The following ERBB4 variants were observed in gnomAD, a reference collection of about 807,000 sequenced individuals.
ERBB4 encodes erb-b2 receptor tyrosine kinase 4.
A neutral mutation model predicts 158.0 loss-of-function variants in ERBB4; 42 were observed. The observed-to-expected ratio is 0.27, with a 90% confidence interval of 0.21 to 0.34. The LOEUF is 0.34. ERBB4 is among the 10% of genes least tolerant of loss of function. The pLI, the probability that ERBB4 is intolerant of heterozygous loss-of-function variation, is 1.00. For synonymous variants in ERBB4, 583 were observed against 558.7 expected, an observed-to-expected ratio of 1.04 and a Z score of -0.61; for missense variants, 1,333 against 1,624.1, an observed-to-expected ratio of 0.82 and a Z score of 3.08.
intron 1 of ERBB4, among the ~76,000 whole-genome samples, chr2:212,391,666 T>TATA (rs2090863677): frequency 7.3e-6 from 1 of 136,494 alleles, no homozygotes; most frequent in South Asian, 2.3e-4. Context: ...TATTATGTAT[T>TATA]ATATTTTATA....
chr2:211,756,894 C>T (rs2075298698), intron 4 of ERBB4, among the ~76,000 whole-genome samples: 1 of 152,188 alleles, frequency 6.6e-6, no homozygotes, highest in Non-Finnish European at 1.5e-5. Context: ...CTAGCAGTCT[C>T]TCATGTCTTA....
At chr2:212,269,148 A>C (rs2085255408) in intron 1 of ERBB4, among the ~76,000 whole-genome samples, 1 of 151,968 alleles carries the variant, frequency 6.6e-6, no homozygotes, top group East Asian at 1.9e-4. Flanking sequence ...GAGACCTGTC[A>C]CCACACAGCT....
At chr2:212,196,383 G>C (rs2082427458) in intron 1 of ERBB4, among the ~76,000 whole-genome samples, 1 of 151,960 alleles carries the variant, frequency 6.6e-6, no homozygotes, top group African/African-American at 2.4e-5. Context: ...AGGAGCAACA[G>C]GAAGCATTGG....
chr2:211,889,365 A>C (rs1176783968), intron 3 of ERBB4, among the ~76,000 whole-genome samples: 7 of 145,934 alleles, frequency 4.8e-5, no homozygotes, highest in East Asian at 3.9e-4. Flanking sequence ...AAACTAACAA[A>C]CAGAAAGGAC....
chr2:211,820,388 A>G (rs2076968418), intron 3 of ERBB4, among the ~76,000 whole-genome samples: 1 of 151,904 alleles, frequency 6.6e-6, no homozygotes, highest in Non-Finnish European at 1.5e-5. Context: ...CCAAGAAGAA[A>G]CAAAAATCCT....
At chr2:211,938,727 T>C (rs147168356) in intron 3 of ERBB4, among the ~76,000 whole-genome samples, 123 of 152,202 alleles carry the variant, frequency 8.1e-4, no homozygotes, top group African/African-American at 2.7e-3. Context: ...GGTAAATATT[T>C]GTCAGAAATA....
chr2:212,445,189 T>A (rs1191855734), intron 1 of ERBB4, among the ~76,000 whole-genome samples: 2 of 152,044 alleles, frequency 1.3e-5, no homozygotes. Flanking sequence ...TAGGTGACAA[T>A]ATTTTGCAGG....
chr2:211,661,125 C>A (rs1447085933), intron 15 of ERBB4, among the ~76,000 whole-genome samples: 1 of 151,790 alleles, frequency 6.6e-6, no homozygotes, highest in Non-Finnish European at 1.5e-5. Context: ...ATTTGAGATT[C>A]AAACCTATTT....
At chr2:212,246,513 G>A (rs12151481) in intron 1 of ERBB4, among the ~76,000 whole-genome samples, 34,076 of 152,040 alleles carry the variant, frequency 0.22, 4,143 homozygotes, top group African/African-American at 0.25. Context: ...CAGGAGATGA[G>A]AAAATGAATA....
At chr2:212,085,238 A>C (rs2078567561) in intron 2 of ERBB4, among the ~76,000 whole-genome samples, 1 of 151,970 alleles carries the variant, frequency 6.6e-6, no homozygotes, top group Admixed American at 6.6e-5. Flanking sequence ...ACATTCTAGC[A>C]GTTTAAAAAA....
At chr2:212,502,361 C>T (rs1278547308) in intron 1 of ERBB4, among the ~76,000 whole-genome samples, 1 of 152,114 alleles carries the variant, frequency 6.6e-6, no homozygotes, top group African/African-American at 2.4e-5. Flanking sequence ...TTGTGCTGGG[C>T]AATTTATACA....
At chr2:211,706,180 A>G (rs956638349) in intron 9 of ERBB4, among the ~76,000 whole-genome samples, 1 of 152,174 alleles carries the variant, frequency 6.6e-6, no homozygotes, top group African/African-American at 2.4e-5. Flanking sequence ...TCCATTGGCT[A>G]CTTCTTCAAG....
intron 25 of ERBB4, among the ~76,000 whole-genome samples, chr2:211,415,717 T>C (rs2125392060): frequency 6.6e-6 from 1 of 152,284 alleles, no homozygotes; most frequent in Non-Finnish European, 1.5e-5. Context: ...GAATCATATT[T>C]TTAGCAGTCA....
chr2:212,227,763 G>T (rs1391268304), intron 1 of ERBB4, among the ~76,000 whole-genome samples: 2 of 151,890 alleles, frequency 1.3e-5, no homozygotes, highest in Non-Finnish European at 2.9e-5. Context: ...ACTTTTATAA[G>T]ATTAAAGGCC....
At chr2:211,811,196 T>A (rs1035745096) in intron 3 of ERBB4, among the ~76,000 whole-genome samples, 5 of 152,348 alleles carry the variant, frequency 3.3e-5, no homozygotes, top group Non-Finnish European at 5.9e-5. Flanking sequence ...GGAGCTCTTG[T>A]AAGACAGGCC....
intron 2 of ERBB4, among the ~76,000 whole-genome samples, chr2:211,964,693 T>C (rs2081266560): frequency 6.6e-6 from 1 of 152,166 alleles, no homozygotes; most frequent in South Asian, 2.1e-4. Flanking sequence ...AAGGTCTATT[T>C]AGCTGACACA....
chr2:212,250,832 TAA>T (rs2084504691), intron 1 of ERBB4, among the ~76,000 whole-genome samples: 2 of 151,870 alleles, frequency 1.3e-5, no homozygotes, highest in Non-Finnish European at 2.9e-5. Flanking sequence ...GGGTAAAAAG[TAA>T]AAGAGGAAAA....
At chr2:212,111,506 C>T (rs1173790684) in intron 2 of ERBB4, among the ~76,000 whole-genome samples, 2 of 152,180 alleles carry the variant, frequency 1.3e-5, no homozygotes, top group Non-Finnish European at 1.5e-5. Context: ...TTATCTCTTT[C>T]CCCCTATGCT....
At chr2:212,189,082 T>TG (rs770488299) in intron 1 of ERBB4, among the ~76,000 whole-genome samples, 1,330 of 103,450 alleles carry the variant, frequency 0.013, 20 homozygotes, top group African/African-American at 0.038. Context: ...ACTTTTTTTT[T>TG]GGGGGGGGGG....
Sources: allele counts gnomAD v4.1 joint callset (sites outside exome capture counted in the v4.1 genomes callset), GRCh38; gene constraint gnomAD v4.1.1; transcripts MANE v1.5; gene names NCBI Gene and HGNC (gene_info 2026-07-23, HGNC 2026-07-21).